The following ZNF383 variants were observed in gnomAD, a reference collection of about 807,000 sequenced individuals.
ZNF383 encodes the protein zinc finger protein 383.
Under a neutral mutation model 44.2 loss-of-function variants are expected in ZNF383, and 32 were observed. The ratio of observed to expected loss-of-function variants is 0.72; its 90% CI spans 0.55 to 0.97. The LOEUF is 0.97. Among genes scored for constraint, ZNF383 ranks in the 50% least tolerant of loss-of-function variants. The pLI is 0.00. For synonymous variants in ZNF383, 155 were observed against 186.2 expected, an observed-to-expected ratio of 0.83 and a Z score of 1.36; for missense variants, 487 against 562.5, an observed-to-expected ratio of 0.87 and a Z score of 1.36.
chr19:37,236,807 A>G (rs2145521902), intron 5 of ZNF383, among the ~76,000 whole-genome samples: 1 of 151,806 alleles, frequency 6.6e-6, no homozygotes. Flanking sequence ...TGACCTCATG[A>G]TCTACCCGCC....
intron 1 of ZNF383, among the ~76,000 whole-genome samples, chr19:37,223,500 C>G (rs1973021483): frequency 6.6e-6 from 1 of 151,618 alleles, no homozygotes; most frequent in African/African-American, 2.4e-5. Context: ...AAGTTTTAGG[C>G]CACCCTGGGC....
chr19:37,241,172 G>T (rs892929279), intron 5 of ZNF383, among the ~76,000 whole-genome samples: 2 of 152,124 alleles, frequency 1.3e-5, no homozygotes, highest in African/African-American at 4.8e-5. Flanking sequence ...ACCCCAACTG[G>T]GTTTGCTGCA....
At chr19:37,221,780 T>A (rs1972928016) in intron 1 of ZNF383, among the ~76,000 whole-genome samples, 1 of 105,554 alleles carries the variant, frequency 9.5e-6, no homozygotes. Flanking sequence ...CCGTCTCTAC[T>A]TAAAAAAAAA....
chr19:37,227,576 G>A (rs1031854525), intron 2 of ZNF383: 1 of 152,454 alleles, frequency 6.6e-6, no homozygotes, highest in East Asian at 1.9e-4. Context: ...AGAGATTGTA[G>A]AAATAAAGAC....
chr19:37,235,674 G>A lies in ZNF383; in HGVS notation c.135G>A (p.Met45Ile), dbSNP rs747240542. The change falls in exon 4 of 6, where the codon ATG (methionine) becomes ATA (isoleucine). Residue 45 changes from methionine (M) to isoleucine (I), a missense_variant and splice_region_variant. Met to Ile is a conservative substitution (Grantham distance 10). Coordinates refer to ENST00000684119, the MANE Select transcript of ZNF383 (RefSeq NM_001387601.1). ...AGAACTACGGCAATCTGGTTTCAAT[G>A]GGTAAGGGCATCTGTACCAGTGATT... ...MLENYGNLVS[M>I]GLYTPKPQVI... 1.1e-5 allele frequency: 18 copies of A among 1,606,128 alleles called. No individual in the cohort carries two copies. Among genetic ancestry groups the A allele is most frequent in the Non-Finnish European group, 1.4e-5 (17 of 1,176,136 alleles).
rs1256750519 is a variant in ZNF383, at chr19:37,248,286, TTATC to T, written c.*4626_*4629del. On this transcript the variant is annotated 3_prime_UTR_variant, in exon 6 of 6. Coordinates refer to ENST00000684119, the MANE Select transcript of ZNF383 (RefSeq NM_001387601.1). ...CTAGGACATAGACTGAGATAGCAAATTATCTATTTTTAAAATTTGTCATAATCCT... is the reference window on the plus strand; with the variant it reads ...CTAGGACATAGACTGAGATAGCAAATTATTTTTAAAATTTGTCATAATCCT... The T allele has an allele frequency of 6.6e-6, 1 of 152,224 alleles. No homozygotes were observed. Among genetic ancestry groups the T allele is most frequent in the Non-Finnish European group, 1.5e-5 (1 of 68,038 alleles). The allele number at this position is 152,224 out of a possible 1,614,324, so 9.4% of individuals were successfully genotyped here. A position where few individuals can be genotyped will look rare whatever the true frequency, so the allele number is the denominator to read the frequency against.
rs1216340159 is a variant in ZNF383, at chr19:37,243,926, G to A, written c.*262G>A. On this transcript the variant is annotated 3_prime_UTR_variant, in exon 6 of 6. Transcript: ENST00000684119. Reference sequence around the variant, plus strand: ...ACACATTATACTCATGTTTATATTTGCTTGTGTTTTTAGAGCTATCTTTTC... The same window carrying A: ...ACACATTATACTCATGTTTATATTTACTTGTGTTTTTAGAGCTATCTTTTC... 9.3e-6 allele frequency: 3 copies of A among 321,012 alleles called. No homozygotes were observed. The highest frequency in any genetic ancestry group is 1.7e-5 in the Non-Finnish European group (3 of 176,610). The allele number at this position is 321,012 out of a possible 1,614,324, so 19.9% of individuals were successfully genotyped here. A position where few individuals can be genotyped will look rare whatever the true frequency, so the allele number is the denominator to read the frequency against.
Position 37,242,949 on chromosome 19 carries a change from G to C in ZNF383, c.713G>C (p.Ser238Thr), listed in dbSNP as rs375003926. ...CKECGKAFSC[S>T]SYLSQHQRIH... Reference sequence around the variant, plus strand: ...GAATGTGGAAAGGCCTTCAGTTGTAGCTCATACCTTTCTCAACATCAGAGA... The same window carrying C: ...GAATGTGGAAAGGCCTTCAGTTGTACCTCATACCTTTCTCAACATCAGAGA... Residue 238 changes from serine to threonine, a missense_variant, in exon 6 of 6, where the codon AGC (serine) becomes ACC (threonine). Physicochemically the swap from Ser to Thr is moderately conservative, Grantham distance 58 (BLOSUM62 1). Coordinates refer to ENST00000684119, the MANE Select transcript of ZNF383 (RefSeq NM_001387601.1). 10 of 1,613,994 alleles carry C rather than the reference G, an allele frequency of 6.2e-6. No homozygotes were observed. The highest frequency in any genetic ancestry group is 5.9e-6 in the Non-Finnish European group (7 of 1,180,028).
intron 3 of ZNF383, among the ~76,000 whole-genome samples, chr19:37,235,111 TA>T (rs1284881384): frequency 6.6e-6 from 1 of 151,790 alleles, no homozygotes; most frequent in African/African-American, 2.4e-5. Context: ...TGTCTCTACT[TA>T]AAATACAAAA....
Position 37,243,023 on chromosome 19 carries a change from T to C in ZNF383, c.787T>C (p.Phe263Leu). ...TGAATGTAAGGAATGTGGGAAGGCC[T>C]TTAGTTATTGCTCAAATCTTATTGA... ...PYECKECGKA[F>L]SYCSNLIDHQ... The change falls in exon 6 of 6, where the codon TTT becomes CTT. Residue 263 changes from phenylalanine (F) to leucine (L), a missense_variant. Transcript: ENST00000684119. 6.2e-7 allele frequency: 1 copy of C among 1,614,142 alleles called. No individual in the cohort carries two copies. Among genetic ancestry groups the C allele is most frequent in the Non-Finnish European group, 8.5e-7 (1 of 1,180,026 alleles).
intron 1 of ZNF383, among the ~76,000 whole-genome samples, 155 bp from the exon 2 acceptor site, chr19:37,224,663 C>T (rs1177729141): frequency 6.6e-6 from 1 of 151,672 alleles, no homozygotes; most frequent in African/African-American, 2.4e-5. Context: ...GGTGATTGTC[C>T]CATCACAGCC....
intron 3 of ZNF383, among the ~76,000 whole-genome samples, chr19:37,232,084 T>C (rs1973515904): frequency 6.6e-6 from 1 of 151,806 alleles, no homozygotes; most frequent in Non-Finnish European, 1.5e-5. Context: ...TTTTTTTGTT[T>C]TTTTTTTTTG....
At position 37,247,251 on chromosome 19, in the gene ZNF383, GA is replaced by G. The variant is rs1026630699; in HGVS notation, c.*3594del. The G allele has an allele frequency of 1.3e-5, 2 of 151,682 alleles. No homozygotes were observed. Among genetic ancestry groups the G allele is most frequent in the African/African-American group, 2.4e-5 (1 of 41,392 alleles). 9.4% of individuals were successfully genotyped at this position (151,682 alleles called of 1,614,324 possible). ...TTTTAAAAGGCAGAAATAATTGAAA[GA>G]AAAAAACTGGATCTGAATCCAAAAT... is the stretch of plus-strand genomic sequence containing the variant. On this transcript the variant is annotated 3_prime_UTR_variant, in exon 6 of 6. Coordinates refer to ENST00000684119, the MANE Select transcript of ZNF383 (RefSeq NM_001387601.1).
chr19:37,223,488 A>G (rs1266942663), intron 1 of ZNF383, among the ~76,000 whole-genome samples: 1 of 152,044 alleles, frequency 6.6e-6, no homozygotes, highest in African/African-American at 2.4e-5. Context: ...GCTTGAACCC[A>G]GAAGTTTTAG....
chr19:37,236,109 G>C, intron 5 of ZNF383, 35 bp downstream of exon 5: 1 of 1,564,362 alleles, frequency 6.4e-7, no homozygotes, highest in Non-Finnish European at 8.8e-7. Flanking sequence ...AGAAAGTCAC[G>C]ATAGGTCAGA....
intron 3 of ZNF383, among the ~76,000 whole-genome samples, chr19:37,232,720 A>G (rs1185247909): frequency 1.3e-5 from 2 of 152,236 alleles, no homozygotes; most frequent in Admixed American, 6.5e-5. Context: ...GACAGTTCAT[A>G]TAGGAAAGAA....
At chr19:37,236,607 G>A (rs1237528415) in intron 5 of ZNF383, among the ~76,000 whole-genome samples, 6 of 146,734 alleles carry the variant, frequency 4.1e-5, no homozygotes, top group Non-Finnish European at 8.9e-5. Context: ...GTCTCGCTCC[G>A]TCGCTCAGGC....
rs1466251215 is a variant in ZNF383 at position 37,248,716 on chromosome 19, T to A, written c.*5052T>A. On this transcript the variant is annotated 3_prime_UTR_variant, in exon 6 of 6. Transcript: ENST00000684119. ...ATTTGACAGGATGGGATATATTTTA[T>A]AAATAAACTTGGACTATTATCCTAT... The A allele has an allele frequency of 6.6e-6, 1 of 152,272 alleles. No individual in the cohort carries two copies. Among genetic ancestry groups the A allele is most frequent in the Non-Finnish European group, 1.5e-5 (1 of 68,054 alleles). 9.4% of individuals were successfully genotyped at this position (152,272 alleles called of 1,614,324 possible). A position where few individuals can be genotyped will look rare whatever the true frequency, so the allele number is the denominator to read the frequency against.
chr19:37,231,012 A>G (rs1973460096), intron 3 of ZNF383, among the ~76,000 whole-genome samples: 1 of 152,160 alleles, frequency 6.6e-6, no homozygotes, highest in Non-Finnish European at 1.5e-5. Flanking sequence ...GAGAAGTCCA[A>G]TTTCAGGTTG....
Sources: gnomAD v4.1 joint callset for allele counts (sites outside exome capture counted in the v4.1 genomes callset) on GRCh38, gnomAD v4.1.1 for gene constraint, MANE v1.5 for transcripts, NCBI Gene and HGNC (gene_info 2026-07-23, HGNC 2026-07-21) for gene names.